Variants in CECR2 observed in about 807,000 individuals in gnomAD.
CECR2 encodes the protein CECR2 histone acetyl-lysine reader.
In CECR2, 30 loss-of-function variants were observed where a neutral mutation model predicts 154.5. That is an observed-to-expected ratio of 0.19 (90% CI 0.15 to 0.26). The LOEUF (loss-of-function observed/expected upper bound fraction) is 0.26, where lower values mean the gene tolerates loss of function less well. CECR2 is among the 10% of genes least tolerant of loss of function. The probability of loss-of-function intolerance (pLI) is 1.00; values close to 1 mark genes in which losing one functional copy is unlikely to be tolerated. For missense variants in CECR2, 1,743 were observed against 1,829.3 expected (o/e 0.95, Z 0.86); for synonymous variants, 725 against 683.7 (o/e 1.06, Z -0.94).
chr22:17,512,877 C>T lies in CECR2; in HGVS notation c.954+981C>T, dbSNP rs192360538. Among the ~76,000 whole-genome samples the T allele has an allele frequency of 2.4e-3, 364 of 152,098 alleles. 3 individuals are homozygous for T. The highest frequency in any genetic ancestry group is 2.3e-3 in the Admixed American group (35 of 15,264). ...ATGAAATTCTTAGGTGTCAAGACCT[C>T]GCCATGGAGGGTAGATAATCACATT... is the stretch of plus-strand genomic sequence containing the variant. On this transcript the variant is annotated intron_variant, in intron 8 of 18. Coordinates refer to ENST00000262608, the MANE Select transcript of CECR2 (RefSeq NM_001290047.2).
chr22:17,482,281 G>A (rs925148447), intron 2 of CECR2, among the ~76,000 whole-genome samples: 70 of 150,958 alleles, frequency 4.6e-4, no homozygotes, highest in Middle Eastern at 3.4e-3. Flanking sequence ...AAAATTAGCC[G>A]GGCGTGGTGG....
intron 1 of CECR2, among the ~76,000 whole-genome samples, chr22:17,462,906 C>T (rs1217185975): frequency 1.3e-5 from 2 of 151,924 alleles, no homozygotes; most frequent in African/African-American, 2.4e-5. Flanking sequence ...ATCGAGACTC[C>T]GTCTCAAAAA....
At chr22:17,428,354 C>A (rs1022208782) in intron 1 of CECR2, 2 of 151,930 alleles carry the variant, frequency 1.3e-5, no homozygotes, top group Non-Finnish European at 2.9e-5. Context: ...GATCCTAGAT[C>A]CATTATTTTT....
chr22:17,495,816 C>T (rs181251377), intron 2 of CECR2, among the ~76,000 whole-genome samples: 1,627 of 138,202 alleles, frequency 0.012, 27 homozygotes, highest in African/African-American at 0.042. Context: ...GAGCCAAGAT[C>T]GCACCACTGC....
At position 17,511,885 on chromosome 22, in the gene CECR2, G is replaced by C; in HGVS notation, c.943G>C (p.Val315Leu). The C allele has an allele frequency of 6.2e-7, 1 of 1,611,324 alleles. No homozygotes were observed. Among genetic ancestry groups the C allele is most frequent in the South Asian group, 1.1e-5 (1 of 90,520 alleles). ...WMSDHLSIKP[V>L]KQEETPVLTR... ...GTCTGACCACCTGTCCATCAAACCC[G>C]TCAAGCAAGAGGTGAGTGTGGGTGA... is the stretch of plus-strand genomic sequence containing the variant. Residue 315 changes from valine (V) to leucine (L), a missense_variant, in exon 8 of 19, where the codon GTC becomes CTC. By Grantham distance (32) the Val-to-Leu change is conservative. Coordinates refer to ENST00000262608, the MANE Select transcript of CECR2 (RefSeq NM_001290047.2).
In CECR2 at chr22:17,369,643, A is replaced by AGCG. The variant is rs1323370280; in HGVS notation, c.-135_-133dup. On this transcript the variant is annotated 5_prime_UTR_variant, in exon 1 of 19. Transcript: ENST00000262608. ...CCGCCCTCGGCTCCTGCACTCGCCG[A>AGCG]GCGGCGGCAGCAGCGGGAGGAGCGC... 2 of 146,012 alleles carry AGCG rather than the reference A, an allele frequency of 1.4e-5. No individual in the cohort carries two copies. The highest frequency in any genetic ancestry group is 4.9e-5 in the African/African-American group (2 of 40,518). The allele number at this position is 146,012 out of a possible 1,614,324, so 9.0% of individuals were successfully genotyped here. A position where few individuals can be genotyped will look rare whatever the true frequency, so the allele number is the denominator to read the frequency against.
At chr22:17,501,759 T>C (rs140371511) in intron 5 of CECR2, among the ~76,000 whole-genome samples, 7 of 152,294 alleles carry the variant, frequency 4.6e-5, no homozygotes, top group African/African-American at 1.2e-4. Context: ...TCCTTCGATA[T>C]TCAGAAAGCT....
chr22:17,529,497 A>G (rs1038768282), intron 9 of CECR2, among the ~76,000 whole-genome samples: 1 of 152,158 alleles, frequency 6.6e-6, no homozygotes, highest in African/African-American at 2.4e-5. Flanking sequence ...TCAGGAGATC[A>G]AGACCATCGT....
At chr22:17,481,297 C>T (rs552398125) in intron 2 of CECR2, among the ~76,000 whole-genome samples, 1 of 135,696 alleles carries the variant, frequency 7.4e-6, no homozygotes, top group African/African-American at 2.8e-5. Flanking sequence ...GAGCCAAGAT[C>T]GTGTCATTGC....
At chr22:17,370,808 C>T (rs541580903) in intron 1 of CECR2, among the ~76,000 whole-genome samples, 1 of 152,214 alleles carries the variant, frequency 6.6e-6, no homozygotes, top group Non-Finnish European at 1.5e-5. Flanking sequence ...CCCCTTTCTC[C>T]TATTTTTATT....
intron 2 of CECR2, among the ~76,000 whole-genome samples, chr22:17,489,880 CTCTTT>C (rs1035972228): frequency 7.3e-6 from 1 of 136,636 alleles, no homozygotes; most frequent in African/African-American, 2.8e-5. Flanking sequence ...CTTTAGCTTG[CTCTTT>C]TTTTTTTTTT....
chr22:17,528,367 C>A (rs754093822), intron 9 of CECR2, among the ~76,000 whole-genome samples: 1 of 151,860 alleles, frequency 6.6e-6, no homozygotes, highest in South Asian at 2.1e-4. Context: ...AATAATTGAA[C>A]CCGTGGAGAT....
rs1161453472 is a variant in CECR2, at chr22:17,511,947, G to A, written c.954+51G>A. ...AGGAGCTTTCCTGATGAAAGAGACG[G>A]ATCCTTTTCATGTACTTCCATTCCT... is the stretch of plus-strand genomic sequence containing the variant. On this transcript the variant is annotated intron_variant, in intron 8 of 18. Coordinates refer to ENST00000262608, the MANE Select transcript of CECR2 (RefSeq NM_001290047.2). 2.2e-6 allele frequency: 3 copies of A among 1,385,392 alleles called. No individual in the cohort carries two copies. The African/African-American group carries it at 4.3e-5, about 20-fold the overall frequency. The allele number at this position is 1,385,392 out of a possible 1,614,324, so 85.8% of individuals were successfully genotyped here.
chr22:17,500,281 G>A (rs1462459247), intron 4 of CECR2, among the ~76,000 whole-genome samples: 2 of 151,628 alleles, frequency 1.3e-5, no homozygotes, highest in East Asian at 1.9e-4. Flanking sequence ...AAGAACAGAA[G>A]GAATTTAAAT....
chr22:17,490,090 C>T (rs1310292416), intron 2 of CECR2, among the ~76,000 whole-genome samples: 3 of 150,950 alleles, frequency 2.0e-5, no homozygotes, highest in East Asian at 1.9e-4. Flanking sequence ...TATTTAAATT[C>T]GTGATTTAGT....
At chr22:17,503,845 G>A (rs1032696084) in intron 6 of CECR2, among the ~76,000 whole-genome samples, 2 of 151,860 alleles carry the variant, frequency 1.3e-5, no homozygotes, top group Non-Finnish European at 2.9e-5. Context: ...TCGGGAGTTC[G>A]AGACCAGCCT....
At chr22:17,417,243 ATCTT>A (rs1326346299) in intron 1 of CECR2, among the ~76,000 whole-genome samples, 3 of 152,230 alleles carry the variant, frequency 2.0e-5, no homozygotes, top group African/African-American at 7.2e-5. Context: ...GAGTGGCACT[ATCTT>A]TATAACAACT....
intron 1 of CECR2, among the ~76,000 whole-genome samples, chr22:17,414,256 G>A (rs371910300): frequency 4.0e-4 from 60 of 151,766 alleles, no homozygotes; most frequent in South Asian, 4.2e-4. Flanking sequence ...ACAGGCGTGA[G>A]CCACTGCGCC....
chr22:17,543,261 T>C (rs1182832053), intron 16 of CECR2, among the ~76,000 whole-genome samples: 2 of 152,094 alleles, frequency 1.3e-5, no homozygotes, highest in South Asian at 4.2e-4. Context: ...GCCTCCCGAG[T>C]GTCTGGGACT....
Sources: allele counts gnomAD v4.1 joint callset (sites outside exome capture counted in the v4.1 genomes callset), GRCh38; gene constraint gnomAD v4.1.1; transcripts MANE v1.5; gene names NCBI Gene and HGNC (gene_info 2026-07-23, HGNC 2026-07-21).